WDR17: variants seen among roughly 807,000 people sequenced by gnomAD.
WDR17 encodes WD repeat-containing protein 17.
A neutral mutation model predicts 161.7 loss-of-function variants in WDR17; 143 were observed. That is an observed-to-expected ratio of 0.88 (90% CI 0.77 to 1.02). WDR17 has a LOEUF of 1.02. WDR17 is among the 50% of genes least tolerant of loss of function. The probability of loss-of-function intolerance (pLI) is 0.00; values close to 1 mark genes in which losing one functional copy is unlikely to be tolerated. For synonymous variants in WDR17, 517 were observed against 515.6 expected (o/e 1.00, Z -0.04); for missense variants, 1,469 against 1,520.9 (o/e 0.97, Z 0.57).
chr4:176,076,579 G>A (rs1158730346), intron 1 of WDR17, among the ~76,000 whole-genome samples: 1 of 151,192 alleles, frequency 6.6e-6, no homozygotes, highest in Non-Finnish European at 1.5e-5. Flanking sequence ...ATTTTCCAGT[G>A]TTTTGGAAGA....
intron 1 of WDR17, among the ~76,000 whole-genome samples, chr4:176,074,641 T>C (rs1733724992): frequency 2.0e-5 from 3 of 151,508 alleles, no homozygotes; most frequent in African/African-American, 4.8e-5. Context: ...TTTTTGTAGA[T>C]ATAGGGTCTT....
chr4:176,097,997 T>C (rs1737178342), intron 1 of WDR17, among the ~76,000 whole-genome samples: 1 of 151,904 alleles, frequency 6.6e-6, no homozygotes, highest in South Asian at 2.1e-4. Context: ...AATATAGAAA[T>C]AGATTGACCC....
chr4:176,135,523 T>A (rs1229308325), intron 8 of WDR17, among the ~76,000 whole-genome samples: 1 of 151,608 alleles, frequency 6.6e-6, no homozygotes, highest in Non-Finnish European at 1.5e-5. Context: ...ATCAGGATTA[T>A]CTTTACCTGT....
At chr4:176,069,049 C>G (rs1056260146) in intron 1 of WDR17, among the ~76,000 whole-genome samples, 1 of 152,044 alleles carries the variant, frequency 6.6e-6, no homozygotes, top group Non-Finnish European at 1.5e-5. Flanking sequence ...AGTTTCCATG[C>G]TTAAAGCATG....
chr4:176,090,722 A>G (rs1044741974), intron 1 of WDR17, among the ~76,000 whole-genome samples: 1 of 152,188 alleles, frequency 6.6e-6, no homozygotes, highest in Non-Finnish European at 1.5e-5. Context: ...TAGAGTATGG[A>G]GTGGGAAATT....
At chr4:176,101,044 G>A (rs995673391) in intron 1 of WDR17, among the ~76,000 whole-genome samples, 4 of 151,904 alleles carry the variant, frequency 2.6e-5, no homozygotes, top group African/African-American at 9.7e-5. Flanking sequence ...TATTCCTTTG[G>A]TTTTGGATTG....
intron 21 of WDR17, 47 bp from the exon 22 acceptor site, chr4:176,163,107 T>C: frequency 6.2e-7 from 1 of 1,612,644 alleles, no homozygotes; most frequent in South Asian, 1.1e-5. Flanking sequence ...ATGATGATCC[T>C]ACCCAGCTTC....
intron 4 of WDR17, among the ~76,000 whole-genome samples, chr4:176,123,455 G>A (rs1741922616): frequency 6.6e-6 from 1 of 152,154 alleles, no homozygotes; most frequent in African/African-American, 2.4e-5. Flanking sequence ...GATGACAGTT[G>A]TTAAGCCCCA....
chr4:176,162,219 A>T, intron 21 of WDR17, 45 bp downstream of exon 21: 1 of 1,559,058 alleles, frequency 6.4e-7, no homozygotes, highest in Non-Finnish European at 8.8e-7. Context: ...AGTTTTTTAG[A>T]TATGTCATGG....
At chr4:176,088,648 A>T (rs1475408191) in intron 1 of WDR17, among the ~76,000 whole-genome samples, 1 of 152,154 alleles carries the variant, frequency 6.6e-6, no homozygotes, top group African/African-American at 2.4e-5. Flanking sequence ...GACGTAGAGG[A>T]CCTGCTATAG....
intron 4 of WDR17, among the ~76,000 whole-genome samples, chr4:176,121,166 A>T (rs1289895395): frequency 6.6e-6 from 1 of 152,180 alleles, no homozygotes; most frequent in East Asian, 1.9e-4. Flanking sequence ...TAGCATGAGG[A>T]GGGATCAATG....
At chr4:176,131,484 T>C in intron 6 of WDR17, 70 bp from the exon 7 acceptor site, 4 of 1,407,176 alleles carry the variant, frequency 2.8e-6, no homozygotes, top group East Asian at 2.4e-5. Flanking sequence ...ATTTTTTTTT[T>C]AATGAAGAAT....
chr4:176,080,486 G>A (rs1458213532), intron 1 of WDR17, among the ~76,000 whole-genome samples: 1 of 151,998 alleles, frequency 6.6e-6, no homozygotes, highest in African/African-American at 2.4e-5. Flanking sequence ...AGTAGTAGGG[G>A]AATCAAAAGA....
intron 8 of WDR17, among the ~76,000 whole-genome samples, chr4:176,136,537 A>G (rs368582294): frequency 5.9e-5 from 9 of 151,708 alleles, no homozygotes; most frequent in East Asian, 3.8e-4. Context: ...TCAAGAAAGT[A>G]AAAATGTTAG....
At position 176,125,320 on chromosome 4, in the gene WDR17, G is replaced by C. The variant is rs540693227; in HGVS notation, c.755G>C (p.Trp252Ser). ...GCAGCTTCTGTACAGTGCTTAGCCTGGGTTCCCAGTGCTCCTGGGATGTTT... is the reference window on the plus strand; with the variant it reads ...GCAGCTTCTGTACAGTGCTTAGCCTCGGTTCCCAGTGCTCCTGGGATGTTT... ...SAAASVQCLAWVPSAPGMFIT... is the reference protein window; with the variant it reads ...SAAASVQCLASVPSAPGMFIT... Residue 252 changes from tryptophan to serine, a missense_variant, in exon 5 of 29, where the codon TGG becomes TCG. Transcript: ENST00000508596. 1.2e-6 allele frequency: 2 copies of C among 1,613,984 alleles called. No individual in the cohort carries two copies. The highest frequency in any genetic ancestry group is 1.7e-6 in the Non-Finnish European group (2 of 1,180,006).
At chr4:176,156,550 A>C (rs1748154393) in intron 18 of WDR17, among the ~76,000 whole-genome samples, 1 of 152,092 alleles carries the variant, frequency 6.6e-6, no homozygotes, top group Admixed American at 6.6e-5. Flanking sequence ...CTTCCCATGG[A>C]TATGAGGGAG....
At chr4:176,173,437 T>A in intron 25 of WDR17, 68 bp downstream of exon 25, 1 of 1,036,552 alleles carries the variant, frequency 9.6e-7, no homozygotes, top group Admixed American at 2.1e-5. Flanking sequence ...TCCATTGTTT[T>A]TGGTATTCAG....
chr4:176,165,976 A>G, intron 22 of WDR17: 1 of 412,918 alleles, frequency 2.4e-6, no homozygotes, highest in South Asian at 3.3e-5. Context: ...AGCTGCACAG[A>G]TTTTTTAAAA....
intron 18 of WDR17, among the ~76,000 whole-genome samples, chr4:176,156,693 A>G (rs1748182655): frequency 6.6e-6 from 1 of 151,964 alleles, no homozygotes; most frequent in African/African-American, 2.4e-5. Flanking sequence ...AAAAAAAAAA[A>G]ATTACCATAA....
Sources: allele counts gnomAD v4.1 joint callset (sites outside exome capture counted in the v4.1 genomes callset), GRCh38; gene constraint gnomAD v4.1.1; transcripts MANE v1.5; gene names NCBI Gene and HGNC (gene_info 2026-07-23, HGNC 2026-07-21).